DOCK8: variants seen among roughly 807,000 people sequenced by gnomAD.
DOCK8 encodes the protein dedicator of cytokinesis protein 8.
DOCK8 carries 141 observed loss-of-function variants against 245.6 expected under a neutral mutation model. The ratio of observed to expected loss-of-function variants is 0.57; its 90% confidence interval spans 0.50 to 0.66. The LOEUF (loss-of-function observed/expected upper bound fraction) is 0.66. DOCK8 is among the 30% of genes least tolerant of loss of function. The pLI, the probability that DOCK8 is intolerant of heterozygous loss-of-function variation, is 0.00. For synonymous variants in DOCK8, 1,168 were observed against 970.2 expected (o/e 1.20, Z -3.79); for missense variants, 2,965 against 2,603.4 (o/e 1.14, Z -3.02).
rs1039115097 is a variant in DOCK8, at chr9:465,120, T to C, written c.*901T>C. On this transcript the variant is annotated 3_prime_UTR_variant, in exon 48 of 48. Coordinates refer to ENST00000432829, the MANE Select transcript of DOCK8 (RefSeq NM_203447.4). Reference sequence around the variant, plus strand: ...TATGTATATCAGCTACAAAATATATTCAACTTTGACTTCTTTTGACAAAGG... The same window carrying C: ...TATGTATATCAGCTACAAAATATATCCAACTTTGACTTCTTTTGACAAAGG... 5 of 152,654 alleles carry C rather than the reference T, an allele frequency of 3.3e-5. No homozygotes were observed. Among genetic ancestry groups the C allele is most frequent in the African/African-American group, 9.6e-5 (4 of 41,464 alleles). 9.5% of individuals were successfully genotyped at this position (152,654 alleles called of 1,614,324 possible).
intron 1 of DOCK8, among the ~76,000 whole-genome samples, chr9:268,942 C>T (rs1289576027): frequency 6.6e-6 from 1 of 152,184 alleles, no homozygotes; most frequent in Non-Finnish European, 1.5e-5. Flanking sequence ...TAATTAAAAT[C>T]AGTCTATCAA....
At chr9:368,762 C>G (rs1021708687) in intron 15 of DOCK8, 1 of 151,262 alleles carries the variant, frequency 6.6e-6, no homozygotes, top group Non-Finnish European at 1.5e-5. Flanking sequence ...TGGTGGTTAG[C>G]TATTACTATT....
chr9:403,874 C>CTG (rs1242422082), intron 26 of DOCK8, among the ~76,000 whole-genome samples: 65 of 77,228 alleles, frequency 8.4e-4, no homozygotes, highest in Non-Finnish European at 1.4e-3. Context: ...CTCTCTCTCT[C>CTG]TCTCTCTCTC....
chr9:297,843 G>A (rs549824787), intron 4 of DOCK8, among the ~76,000 whole-genome samples: 1 of 152,286 alleles, frequency 6.6e-6, no homozygotes, highest in African/African-American at 2.4e-5. Flanking sequence ...GTTTGCTCTG[G>A]TTTCAAACAC....
At chr9:331,431 C>T (rs1383561562) in intron 9 of DOCK8, among the ~76,000 whole-genome samples, 4 of 152,180 alleles carry the variant, frequency 2.6e-5, no homozygotes, top group African/African-American at 9.7e-5. Flanking sequence ...ATGCTGCTTC[C>T]TTTGAAACCC....
At chr9:290,385 G>A (rs1369811535) in intron 4 of DOCK8, among the ~76,000 whole-genome samples, 1 of 152,124 alleles carries the variant, frequency 6.6e-6, no homozygotes, top group Non-Finnish European at 1.5e-5. Context: ...AAAAGTTTGG[G>A]CACCTGGAAT....
In DOCK8 at chr9:441,146, A is replaced by G. The variant is rs540798050; in HGVS notation, c.5224-140A>G. 5 of 1,266,150 alleles carry G rather than the reference A, an allele frequency of 3.9e-6. No individual in the cohort carries two copies. The African/African-American group carries it at 4.4e-5, about 11-fold the overall frequency. 78.4% of individuals were successfully genotyped at this position (1,266,150 alleles called of 1,614,324 possible). A position where few individuals can be genotyped will look rare whatever the true frequency, so the allele number is the denominator to read the frequency against. On this transcript the variant is annotated intron_variant, in intron 40 of 47. Transcript: ENST00000432829. Reference sequence around the variant, plus strand: ...ACCACTGTCCCAAAAGTGCTCAGATACCCCTTCTTGCCCTGTGAAATACTG... The same window carrying G: ...ACCACTGTCCCAAAAGTGCTCAGATGCCCCTTCTTGCCCTGTGAAATACTG...
At chr9:247,239 TTGAA>T (rs1278204356) in intron 1 of DOCK8, among the ~76,000 whole-genome samples, 40 of 152,356 alleles carry the variant, frequency 2.6e-4, no homozygotes, top group African/African-American at 8.2e-4. Flanking sequence ...TACTATTAAT[TTGAA>T]TGTGCTATTC....
intron 5 of DOCK8, among the ~76,000 whole-genome samples, chr9:309,719 G>T (rs989608589): frequency 1.3e-5 from 2 of 152,108 alleles, no homozygotes; most frequent in Non-Finnish European, 2.9e-5. Context: ...CCAAATTCCC[G>T]TAGAAAAGTG....
rs367970273 is a variant in DOCK8, at chr9:320,011, T to A, written c.827+2883T>A. 1.3e-4 allele frequency among the ~76,000 whole-genome samples: 20 copies of A among 152,370 alleles called. No homozygotes were observed. The South Asian group carries it at 3.9e-3, about 30-fold the overall frequency. ...CCTCAAGAGATTCTGGTTGAGTAGGTCTCAGGTGGGATCAAGAAACCTGCA... is the reference window on the plus strand; with the variant it reads ...CCTCAAGAGATTCTGGTTGAGTAGGACTCAGGTGGGATCAAGAAACCTGCA... On this transcript the variant is annotated intron_variant, in intron 7 of 47. Transcript: ENST00000432829.
At chr9:235,971 A>T (rs2047237428) in intron 1 of DOCK8, among the ~76,000 whole-genome samples, 1 of 152,210 alleles carries the variant, frequency 6.6e-6, no homozygotes, top group African/African-American at 2.4e-5. Context: ...GGAAATGCAG[A>T]AATCACCCGT....
At chr9:228,644 A>T (rs2047038814) in intron 1 of DOCK8, among the ~76,000 whole-genome samples, 1 of 152,186 alleles carries the variant, frequency 6.6e-6, no homozygotes, top group African/African-American at 2.4e-5. Context: ...ACTCTGAGAA[A>T]ATAAATTTCT....
Position 446,401 on chromosome 9 carries a change from A to G in DOCK8, c.5612A>G (p.Tyr1871Cys), listed in dbSNP as rs140403518. 4.7e-4 allele frequency: 760 copies of G among 1,614,052 alleles called. No individual in the cohort carries two copies. Among genetic ancestry groups the G allele is most frequent in the Non-Finnish European group, 6.0e-4 (706 of 1,180,030 alleles). The change falls in exon 44 of 48, where the codon TAC becomes TGC. Residue 1871 changes from tyrosine (Y) to cysteine (C), a missense_variant. Transcript: ENST00000432829. ...AYIQITFVEP[Y>C]FDEYEMKDRV... ...ATACAGATCACTTTTGTGGAGCCCT[A>G]CTTTGATGAGTATGAGATGAAAGAC...
intron 1 of DOCK8, among the ~76,000 whole-genome samples, chr9:240,548 A>C (rs1311275311): frequency 6.6e-6 from 1 of 152,176 alleles, no homozygotes; most frequent in Non-Finnish European, 1.5e-5. Flanking sequence ...ATATAAGTAT[A>C]AGGTCACCTA....
chr9:416,623 T>C (rs183819223), intron 29 of DOCK8, among the ~76,000 whole-genome samples: 11 of 152,322 alleles, frequency 7.2e-5, no homozygotes, highest in African/African-American at 2.6e-4. Context: ...GTTGATAAAC[T>C]CATAAGAATA....
rs750273664 is a variant in DOCK8, at chr9:377,188, C to G, written c.2417C>G (p.Pro806Arg). 6.3e-7 allele frequency: 1 copy of G among 1,597,814 alleles called. No homozygotes were observed. Among genetic ancestry groups the G allele is most frequent in the East Asian group, 2.2e-5 (1 of 44,670 alleles). ...LDKLFQLSVQ[P>R]MVIAGQTANF... ...AAGCTCTTCCAGCTGTCCGTGCAGCCCATGGTCATCGCTGGCCAGACAGGT... is the reference window on the plus strand; with the variant it reads ...AAGCTCTTCCAGCTGTCCGTGCAGCGCATGGTCATCGCTGGCCAGACAGGT... The change falls in exon 20 of 48, where the codon CCC becomes CGC. Residue 806 changes from proline (P) to arginine (R), a missense_variant. Transcript: ENST00000432829.
At chr9:450,906 A>G (rs887298278) in intron 45 of DOCK8, among the ~76,000 whole-genome samples, 2 of 151,592 alleles carry the variant, frequency 1.3e-5, no homozygotes, top group African/African-American at 4.9e-5. Flanking sequence ...AAATGAATAG[A>G]TCAAGGCAAT....
intron 26 of DOCK8, among the ~76,000 whole-genome samples, chr9:400,644 T>C (rs867220828): frequency 0.017 from 237 of 13,930 alleles, no homozygotes; most frequent in Non-Finnish European, 0.02. Context: ...ACCTCCACCA[T>C]CACCACCACC....
intron 2 of DOCK8, chr9:284,638 C>T (rs559798039): frequency 3.9e-4 from 59 of 152,226 alleles, no homozygotes; most frequent in African/African-American, 7.0e-4. Context: ...AAGACACACG[C>T]GTGTGAATGT....
Sources: gnomAD v4.1 joint callset for allele counts (sites outside exome capture counted in the v4.1 genomes callset) on GRCh38, gnomAD v4.1.1 for gene constraint, MANE v1.5 for transcripts, NCBI Gene and HGNC (gene_info 2026-07-23, HGNC 2026-07-21) for gene names.